The following PATE2 variants were observed in gnomAD, a reference collection of about 807,000 sequenced individuals.
The protein encoded by PATE2 is prostate and testis expressed protein 2.
In PATE2, 7 loss-of-function variants were observed where a neutral mutation model predicts 10.5. The observed-to-expected ratio is 0.66, with a 90% CI of 0.38 to 1.25. PATE2 has a LOEUF of 1.25. Among genes scored for constraint, PATE2 ranks in the 50% most tolerant of loss-of-function variants. The pLI is 0.02. For synonymous variants in PATE2, 44 were observed against 46.9 expected, an observed-to-expected ratio of 0.94 and a Z score of 0.25; for missense variants, 133 against 135.4, an observed-to-expected ratio of 0.98 and a Z score of 0.09.
chr11:125,777,409 G>C lies in PATE2; in HGVS notation c.315C>G (p.Asn105Lys). ...RVELICCDHS[N>K]YCNLPEGV ...AAACTCCCTCAGGGAGGTTGCAGTA[G>C]TTACTATGATCACAACAGATGAGCT... Residue 105 changes from asparagine to lysine, a missense_variant, in exon 4 of 4, where the codon AAC becomes AAG. Transcript: ENST00000358524. 6.2e-7 allele frequency: 1 copy of C among 1,613,678 alleles called. No individual in the cohort carries two copies. Among genetic ancestry groups the C allele is most frequent in the Non-Finnish European group, 8.5e-7 (1 of 1,179,746 alleles).
chr11:125,777,343 T>C lies in PATE2; in HGVS notation c.*39A>G, dbSNP rs1353101741. On this transcript the variant is annotated 3_prime_UTR_variant, in exon 4 of 4. Coordinates refer to ENST00000358524, the MANE Select transcript of PATE2 (RefSeq NM_212555.3). ...TTCAGGGAAGAGAAAAAGAGCGTAG[T>C]GGTTGAAAAAGAACCCAAAATCCAG... The C allele has an allele frequency of 6.2e-6, 10 of 1,603,696 alleles. No homozygotes were observed. Among genetic ancestry groups the C allele is most frequent in the Non-Finnish European group, 8.5e-6 (10 of 1,171,962 alleles).
chr11:125,777,018 A>G lies in PATE2; in HGVS notation c.*364T>C. 2 of 169,586 alleles carry G rather than the reference A, an allele frequency of 1.2e-5. No homozygotes were observed. Among genetic ancestry groups the G allele is most frequent in the African/African-American group, 2.4e-5 (1 of 41,684 alleles). The allele number at this position is 169,586 out of a possible 1,614,324, so 10.5% of individuals were successfully genotyped here. On this transcript the variant is annotated 3_prime_UTR_variant, in exon 4 of 4. Transcript: ENST00000358524. ...GAGAGGAGTGTGTGTGTAGATGAGG[A>G]TAGAGGATAGTCACAGAATTCTCAG...
Position 125,778,760 on chromosome 11 carries a change from A to G in PATE2, c.14T>C (p.Phe5Ser). MLVL[F>S]LLGTVFLLCP... is the part of the protein sequence containing the mutation. ...GAGCAGAAAGACTGTGCCCAGGAGA[A>G]AGAGAACAAGCATCCTGGAGCTTCT... The change falls in exon 1 of 4, where the codon TTT becomes TCT. Residue 5 changes from phenylalanine to serine, a missense_variant. Coordinates refer to ENST00000358524, the MANE Select transcript of PATE2 (RefSeq NM_212555.3). The G allele has an allele frequency of 1.2e-6, 2 of 1,613,544 alleles. No individual in the cohort carries two copies. The highest frequency in any genetic ancestry group is 1.7e-6 in the Non-Finnish European group (2 of 1,179,670).
chr11:125,777,497 G>T lies in PATE2; in HGVS notation c.227C>A (p.Ser76Ter), dbSNP rs747276960. The T allele has an allele frequency of 5.0e-6, 8 of 1,613,530 alleles. No homozygotes were observed. Among genetic ancestry groups the T allele is most frequent in the Non-Finnish European group, 6.8e-6 (8 of 1,179,760 alleles). ...ACAGCTGGTCATACACGACAGTTTT[G>T]AATAATGATACATGCTCTGCCCTGA... ...TRKGQSMYHY[S>*]KLSCMTSCED... The change falls in exon 4 of 4, where the codon TCA becomes TAA. Residue 76 changes from serine (S) to a stop codon, truncating the protein, a stop_gained. Transcript: ENST00000358524. LOFTEE classifies it high-confidence loss of function.
At position 125,776,145 on chromosome 11, in the gene PATE2, T is replaced by G. The variant is rs1943481862; in HGVS notation, c.*1237A>C. On this transcript the variant is annotated 3_prime_UTR_variant, in exon 4 of 4. Coordinates refer to ENST00000358524, the MANE Select transcript of PATE2 (RefSeq NM_212555.3). ...TCTGTATATCTTTTTCTATTCAGATTTTTTGGCCAATTTTTCTGGCCTTTA... is the reference window on the plus strand; with the variant it reads ...TCTGTATATCTTTTTCTATTCAGATGTTTTGGCCAATTTTTCTGGCCTTTA... 1 of 152,214 alleles carries G rather than the reference T, an allele frequency of 6.6e-6. No individual in the cohort carries two copies. Among genetic ancestry groups the G allele is most frequent in the Non-Finnish European group, 1.5e-5 (1 of 68,040 alleles). 9.4% of individuals were successfully genotyped at this position (152,214 alleles called of 1,614,324 possible).
rs755193378 is a variant in PATE2, at chr11:125,777,856, C to T, written c.205+18G>A. On this transcript the variant is annotated intron_variant, in intron 3 of 3. Transcript: ENST00000358524. ...GATGGTGGTGGTGATTTTCCAGTCA[C>T]TCTATACTCCACATTACCTTTCCTT... 1 of 1,612,018 alleles carries T rather than the reference C, an allele frequency of 6.2e-7. No individual in the cohort carries two copies. The highest frequency in any genetic ancestry group is 8.5e-7 in the Non-Finnish European group (1 of 1,178,926).
chr11:125,777,912 G>A lies in PATE2; in HGVS notation c.167C>T (p.Ser56Phe), dbSNP rs1176616204. The part of the protein sequence containing the change: ...MTSCSLKHKQ[S>F]CAVENFYILT... ...GATGTAAAAGTTCTCAACTGCACAG[G>A]ACTGTTTATGCTTCAGGGAGCAGGA... The change falls in exon 3 of 4, where the codon TCC (serine) becomes TTC (phenylalanine). Residue 56 changes from serine to phenylalanine, a missense_variant. Transcript: ENST00000358524. The A allele has an allele frequency of 6.8e-6, 11 of 1,613,368 alleles. No homozygotes were observed. The highest frequency in any genetic ancestry group is 8.5e-6 in the Non-Finnish European group (10 of 1,179,624).
chr11:125,777,757 C>G, intron 3 of PATE2, 117 bp downstream of exon 3: 1 of 1,348,146 alleles, frequency 7.4e-7, no homozygotes, highest in South Asian at 1.4e-5. Context: ...GCCATCCCCT[C>G]AAGACCACCC....
chr11:125,777,012 A>G lies in PATE2; in HGVS notation c.*370T>C, dbSNP rs886770490. 1.1e-3 allele frequency: 195 copies of G among 180,648 alleles called. 4 individuals are homozygous for G. The highest frequency in any genetic ancestry group is 2.6e-4 in the Non-Finnish European group (22 of 84,858). The allele number at this position is 180,648 out of a possible 1,614,324, so 11.2% of individuals were successfully genotyped here. ...CCAACGGAGAGGAGTGTGTGTGTAG[A>G]TGAGGATAGAGGATAGTCACAGAAT... is the stretch of plus-strand genomic sequence containing the variant. On this transcript the variant is annotated 3_prime_UTR_variant, in exon 4 of 4. Coordinates refer to ENST00000358524, the MANE Select transcript of PATE2 (RefSeq NM_212555.3).
At chr11:125,778,620 T>G in intron 1 of PATE2, 45 bp from the exon 2 acceptor site, 1 of 1,611,428 alleles carries the variant, frequency 6.2e-7, no homozygotes, top group South Asian at 1.1e-5. Context: ...CTCACATACA[T>G]CTGCCACTGC....
In PATE2 at chr11:125,777,033, A is replaced by C; in HGVS notation, c.*349T>G. 2.1e-5 allele frequency: 4 copies of C among 186,714 alleles called. No individual in the cohort carries two copies. The highest frequency in any genetic ancestry group is 2.2e-3 in the Middle Eastern group (1 of 448). 11.6% of individuals were successfully genotyped at this position (186,714 alleles called of 1,614,324 possible). On this transcript the variant is annotated 3_prime_UTR_variant, in exon 4 of 4. Coordinates refer to ENST00000358524, the MANE Select transcript of PATE2 (RefSeq NM_212555.3). ...GTAGATGAGGATAGAGGATAGTCAC[A>C]GAATTCTCAGTACAAATTGGAGATT...
chr11:125,777,278 A>G lies in PATE2; in HGVS notation c.*104T>C. Reference sequence around the variant, plus strand: ...CTTTTCACTATGAGCTGGCTTTCTCACTCTCTACCAATGCATAGAAGAGGA... The same window carrying G: ...CTTTTCACTATGAGCTGGCTTTCTCGCTCTCTACCAATGCATAGAAGAGGA... On this transcript the variant is annotated 3_prime_UTR_variant, in exon 4 of 4. Coordinates refer to ENST00000358524, the MANE Select transcript of PATE2 (RefSeq NM_212555.3). 3 of 1,357,436 alleles carry G rather than the reference A, an allele frequency of 2.2e-6. No individual in the cohort carries two copies. Among genetic ancestry groups the G allele is most frequent in the South Asian group, 1.4e-5 (1 of 71,624 alleles). The allele number at this position is 1,357,436 out of a possible 1,614,324, so 84.1% of individuals were successfully genotyped here. A position where few individuals can be genotyped will look rare whatever the true frequency, so the allele number is the denominator to read the frequency against.
intron 3 of PATE2, 104 bp from the exon 4 acceptor site, chr11:125,777,622 G>A: frequency 7.1e-7 from 1 of 1,417,082 alleles, no homozygotes; most frequent in Admixed American, 1.9e-5. Context: ...CTTTCTCTAG[G>A]CCCAAATGAG....
rs1486611496 is a variant in PATE2, at chr11:125,777,874, C to T, written c.205G>A (p.Gly69Arg). ...VENFYILTRK[G>R]QSMYHYSKLS... ...CCAGTCACTCTATACTCCACATTAC[C>T]TTTCCTTGTAAGGATGTAAAAGTTC... Residue 69 changes from glycine to arginine, a missense_variant and splice_region_variant, in exon 3 of 4, where the codon GGG becomes AGG. Gly to Arg is a moderately radical substitution (Grantham distance 125). Coordinates refer to ENST00000358524, the MANE Select transcript of PATE2 (RefSeq NM_212555.3). The T allele has an allele frequency of 6.2e-7, 1 of 1,612,904 alleles. No individual in the cohort carries two copies. The highest frequency in any genetic ancestry group is 8.5e-7 in the Non-Finnish European group (1 of 1,179,462).
Position 125,777,444 on chromosome 11 carries a change from T to C in PATE2, c.280A>G (p.Lys94Glu), listed in dbSNP as rs1943495908. The C allele has an allele frequency of 6.2e-7, 1 of 1,613,766 alleles. No individual in the cohort carries two copies. The highest frequency in any genetic ancestry group is 1.3e-5 in the African/African-American group (1 of 75,000). Residue 94 changes from lysine to glutamate, a missense_variant, in exon 4 of 4, where the codon AAG becomes GAG. By Grantham distance (56) the Lys-to-Glu change is moderately conservative. Coordinates refer to ENST00000358524, the MANE Select transcript of PATE2 (RefSeq NM_212555.3). The part of the protein sequence containing the change: ...CEDINFLGFT[K>E]RVELICCDHS... ...TCACAACAGATGAGCTCTACCCTCT[T>C]CGTGAACCCCAGGAAGTTGATGTCC...
At chr11:125,777,612 C>A (rs761002600) in intron 3 of PATE2, 94 bp from the exon 4 acceptor site, 48 of 1,490,082 alleles carry the variant, frequency 3.2e-5, no homozygotes, top group Non-Finnish European at 4.0e-5. Context: ...CCTCACTAAC[C>A]TTTCTCTAGG....
At position 125,778,552 on chromosome 11, in the gene PATE2, C is replaced by T; in HGVS notation, c.76G>A (p.Ala26Thr). Residue 26 changes from alanine (A) to threonine (T), a missense_variant and splice_region_variant, in exon 2 of 4, where the codon GCG becomes ACG. By Grantham distance (58) the Ala-to-Thr change is moderately conservative. Transcript: ENST00000358524. ...GACTTCAGAGAAGCCATGATTGTACCTTTTATAGGGTCATGAAGTTCACCT... is the reference window on the plus strand; with the variant it reads ...GACTTCAGAGAAGCCATGATTGTACTTTTTATAGGGTCATGAAGTTCACCT... ...YWGELHDPIK[A>T]TEIMCYECKK... is the part of the protein sequence containing the mutation. 1 of 1,613,420 alleles carries T rather than the reference C, an allele frequency of 6.2e-7. No homozygotes were observed. Among genetic ancestry groups the T allele is most frequent in the Non-Finnish European group, 8.5e-7 (1 of 1,179,572 alleles).
intron 3 of PATE2, 151 bp from the exon 4 acceptor site, chr11:125,777,669 G>T: frequency 8.4e-7 from 1 of 1,185,242 alleles, no homozygotes; most frequent in Non-Finnish European, 1.2e-6. Context: ...GACCCAGAGA[G>T]TAGATTTTAT....
At position 125,778,271 on chromosome 11, in the gene PATE2, C is replaced by T. The variant is rs544560801; in HGVS notation, c.77-269G>A. On this transcript the variant is annotated intron_variant, in intron 2 of 3. Transcript: ENST00000358524. ...ATAAATCAAACACTGTATATGATTT[C>T]AGGAGGTCAGGGTTCCCATGAAATT... 7.2e-5 allele frequency among the ~76,000 whole-genome samples: 11 copies of T among 152,212 alleles called. No individual in the cohort carries two copies. The South Asian group carries it at 2.3e-3, about 32-fold the overall frequency.
Sources: gnomAD v4.1 joint callset for allele counts (sites outside exome capture counted in the v4.1 genomes callset) on GRCh38, gnomAD v4.1.1 for gene constraint, MANE v1.5 for transcripts, NCBI Gene and HGNC (gene_info 2026-07-23, HGNC 2026-07-21) for gene names.